Variants in RB1CC1 observed in about 807,000 individuals in gnomAD.
RB1CC1 encodes RB1 inducible coiled-coil 1.
A neutral mutation model predicts 177.5 loss-of-function variants in RB1CC1; 46 were observed. That is an observed-to-expected ratio of 0.26 (90% CI 0.20 to 0.33). The LOEUF is 0.33. Ranked by LOEUF, RB1CC1 falls within the 10% of genes least tolerant of loss-of-function variation. The probability of loss-of-function intolerance (pLI) is 1.00; values close to 1 mark genes in which losing one functional copy is unlikely to be tolerated. For synonymous variants in RB1CC1, 666 were observed against 613.6 expected, an observed-to-expected ratio of 1.09 and a Z score of -1.26; for missense variants, 1,703 against 1,816.3, an observed-to-expected ratio of 0.94 and a Z score of 1.13.
intron 8 of RB1CC1, among the ~76,000 whole-genome samples, chr8:52,665,726 G>A (rs1056017890): frequency 5.3e-5 from 8 of 152,146 alleles, no homozygotes; most frequent in African/African-American, 1.4e-4. Context: ...GAAGAAGCCA[G>A]GCACAGTGAA....
chr8:52,662,679 C>T (rs1175378669), intron 8 of RB1CC1, among the ~76,000 whole-genome samples: 5 of 151,948 alleles, frequency 3.3e-5, no homozygotes, highest in Admixed American at 3.3e-4. Context: ...TGGTAGTTCT[C>T]TGTTTCATGT....
chr8:52,631,083 A>T (rs954149566), intron 20 of RB1CC1, among the ~76,000 whole-genome samples: 2 of 152,142 alleles, frequency 1.3e-5, no homozygotes, highest in Admixed American at 6.5e-5. Flanking sequence ...GATCCCGGTT[A>T]GCTTAGACCT....
chr8:52,639,321 C>A (rs1849392747), intron 18 of RB1CC1, among the ~76,000 whole-genome samples: 1 of 152,020 alleles, frequency 6.6e-6, no homozygotes, highest in African/African-American at 2.4e-5. Context: ...ATCTTTTATA[C>A]ATATTAAAGT....
intron 15 of RB1CC1, among the ~76,000 whole-genome samples, chr8:52,652,370 G>A (rs1393998950): frequency 6.6e-6 from 1 of 151,468 alleles, no homozygotes; most frequent in Non-Finnish European, 1.5e-5. Flanking sequence ...GGAGGCTGAG[G>A]CAGGAGAATC....
intron 6 of RB1CC1, among the ~76,000 whole-genome samples, chr8:52,675,358 C>T (rs1338971911): frequency 6.6e-6 from 1 of 151,318 alleles, no homozygotes; most frequent in African/African-American, 2.4e-5. Flanking sequence ...AATGCAAGGT[C>T]AAGATAATTA....
chr8:52,674,113 T>A lies in RB1CC1; in HGVS notation c.734A>T (p.Asp245Val), dbSNP rs773136252. 4 of 1,614,052 alleles carry A rather than the reference T, an allele frequency of 2.5e-6. No homozygotes were observed. In the African/African-American group the frequency reaches 5.3e-5, roughly 22 times the overall value. ...KRSTELVLSP[D>V]MPRTTNESLL... is the part of the protein sequence containing the mutation. Reference sequence around the variant, plus strand: ...AGATTCGTTAGTTGTTCTAGGCATATCAGGAGAGAGCACCAGTTCAGTGGA... The same window carrying A: ...AGATTCGTTAGTTGTTCTAGGCATAACAGGAGAGAGCACCAGTTCAGTGGA... The change falls in exon 7 of 24, where the codon GAT becomes GTT. Residue 245 changes from aspartate to valine, a missense_variant. Asp to Val is a radical substitution (Grantham distance 152). Coordinates refer to ENST00000025008, the MANE Select transcript of RB1CC1 (RefSeq NM_014781.5).
rs189727347 is a variant in RB1CC1 at position 52,652,013 on chromosome 8, T to A, written c.3821+3995A>T. On this transcript the variant is annotated intron_variant, in intron 15 of 23. Coordinates refer to ENST00000025008, the MANE Select transcript of RB1CC1 (RefSeq NM_014781.5). ...TAACAAAGAAGAATATCGACAATCATCTGAAAAGGCTATTTAAATATTCCT... is the reference window on the plus strand; with the variant it reads ...TAACAAAGAAGAATATCGACAATCAACTGAAAAGGCTATTTAAATATTCCT... Among the ~76,000 whole-genome samples, 1,002 of 152,318 alleles carry A rather than the reference T, an allele frequency of 6.6e-3. 9 individuals are homozygous for A. The highest frequency in any genetic ancestry group is 8.7e-3 in the Non-Finnish European group (590 of 68,016).
chr8:52,668,939 CTCTG>C (rs1400787006), intron 7 of RB1CC1, among the ~76,000 whole-genome samples: 2 of 152,300 alleles, frequency 1.3e-5, no homozygotes, highest in African/African-American at 4.8e-5. Context: ...GCTCCTTTTG[CTCTG>C]TCTAATCTTT....
chr8:52,692,964 G>A (rs905533454), intron 1 of RB1CC1, among the ~76,000 whole-genome samples: 1 of 152,088 alleles, frequency 6.6e-6, no homozygotes, highest in Non-Finnish European at 1.5e-5. Context: ...AAATGAAAAG[G>A]TGATCTTCAC....
chr8:52,709,824 A>G (rs1411488981), intron 1 of RB1CC1, among the ~76,000 whole-genome samples: 1 of 152,260 alleles, frequency 6.6e-6, no homozygotes, highest in African/African-American at 2.4e-5. Flanking sequence ...ACAATCTCTG[A>G]CCTTCAAAAC....
At position 52,656,203 on chromosome 8, in the gene RB1CC1, A is replaced by G. The variant is rs773588734; in HGVS notation, c.3626T>C (p.Ile1209Thr). 1 of 1,613,664 alleles carries G rather than the reference A, an allele frequency of 6.2e-7. No individual in the cohort carries two copies. Among genetic ancestry groups the G allele is most frequent in the Non-Finnish European group, 8.5e-7 (1 of 1,179,870 alleles). ...TQQEEKYEAIIQNLEKDRQKL... is the reference protein window; with the variant it reads ...TQQEEKYEAITQNLEKDRQKL... ...TTGTCTGTCTTTCTCAAGGTTCTGGATAATAGCTTCGTATTTCTCTTCTTG... is the reference window on the plus strand; with the variant it reads ...TTGTCTGTCTTTCTCAAGGTTCTGGGTAATAGCTTCGTATTTCTCTTCTTG... Residue 1209 changes from isoleucine (I) to threonine (T), a missense_variant, in exon 15 of 24, where the codon ATC becomes ACC. By Grantham distance (89) the Ile-to-Thr change is moderately conservative (BLOSUM62 -1). Coordinates refer to ENST00000025008, the MANE Select transcript of RB1CC1 (RefSeq NM_014781.5).
At chr8:52,685,558 C>G in intron 2 of RB1CC1, 38 bp from the exon 3 acceptor site, 3 of 715,718 alleles carry the variant, frequency 4.2e-6, no homozygotes, top group Non-Finnish European at 7.1e-6. Flanking sequence ...TTTACAAATG[C>G]AACTACAATC....
chr8:52,699,338 G>C (rs1346621487), intron 1 of RB1CC1, among the ~76,000 whole-genome samples: 1 of 152,090 alleles, frequency 6.6e-6, no homozygotes. Flanking sequence ...GCTACTGTAG[G>C]GGATATCTGT....
chr8:52,685,285 T>G (rs1854169403), intron 3 of RB1CC1, 114 bp downstream of exon 3: 1 of 731,756 alleles, frequency 1.4e-6, no homozygotes, highest in Non-Finnish European at 2.3e-6. Flanking sequence ...ATTACAGGCG[T>G]GAGGTACCGC....
chr8:52,688,906 G>T (rs909723781), intron 1 of RB1CC1, among the ~76,000 whole-genome samples: 1 of 152,144 alleles, frequency 6.6e-6, no homozygotes, highest in Non-Finnish European at 1.5e-5. Flanking sequence ...AGAACCTACA[G>T]TGAAATATTG....
chr8:52,635,028 C>G, intron 19 of RB1CC1, 60 bp from the exon 20 acceptor site: 1 of 1,442,226 alleles, frequency 6.9e-7, no homozygotes, highest in Non-Finnish European at 9.5e-7. Context: ...TAAATCTAAA[C>G]AGTGATTGTC....
intron 18 of RB1CC1, among the ~76,000 whole-genome samples, chr8:52,639,767 T>C (rs1209326917): frequency 3.3e-5 from 5 of 152,188 alleles, no homozygotes; most frequent in Admixed American, 2.6e-4. Context: ...GGTTAGGTAT[T>C]GTACTGTTTA....
rs922214102 is a variant in RB1CC1, at chr8:52,714,371, G to A, written c.-463C>T. 14 of 153,064 alleles carry A rather than the reference G, an allele frequency of 9.1e-5. No homozygotes were observed. The highest frequency in any genetic ancestry group is 3.4e-4 in the African/African-American group (14 of 41,470). The allele number at this position is 153,064 out of a possible 1,614,324, so 9.5% of individuals were successfully genotyped here. ...GGCCCAGGCGACTGGGGGATTCTGA[G>A]GCAACGCCGAGGGCTCGGCAGGGCC... On this transcript the variant is annotated 5_prime_UTR_variant, in exon 1 of 24. Transcript: ENST00000025008.
chr8:52,635,995 CAAG>C lies in RB1CC1; in HGVS notation c.4392+17_4392+19del, dbSNP rs764582188. Reference sequence around the variant, plus strand: ...AGTGAACATATTAAACATGGTACTTCAAGAAGATAATTTACTTACTCGTTCTAA... The same window carrying C: ...AGTGAACATATTAAACATGGTACTTCAAGATAATTTACTTACTCGTTCTAA... On this transcript the variant is annotated intron_variant, in intron 19 of 23. Transcript: ENST00000025008. 16 of 1,604,658 alleles carry C rather than the reference CAAG, an allele frequency of 1.0e-5. 1 individual carries two copies. In the South Asian group the frequency reaches 1.4e-4, roughly 15 times the overall value.
Sources: allele counts gnomAD v4.1 joint callset (sites outside exome capture counted in the v4.1 genomes callset), GRCh38; gene constraint gnomAD v4.1.1; transcripts MANE v1.5; gene names NCBI Gene and HGNC (gene_info 2026-07-23, HGNC 2026-07-21).